Variants in CTNND2 observed in about 807,000 individuals in gnomAD.
CTNND2 encodes catenin delta 2.
In CTNND2, 22 loss-of-function variants were observed where a neutral mutation model predicts 144.4. The observed-to-expected ratio is 0.15, with a 90% CI of 0.11 to 0.22. The LOEUF is 0.22. Ranked by LOEUF, CTNND2 falls within the 10% of genes least tolerant of loss-of-function variation. CTNND2 has a pLI of 1.00. For synonymous variants in CTNND2, 751 were observed against 695.6 expected (o/e 1.08, Z -1.25); for missense variants, 1,353 against 1,618.8 (o/e 0.84, Z 2.82).
At chr5:11,077,733 G>A (rs1749098939) in intron 16 of CTNND2, among the ~76,000 whole-genome samples, 2 of 152,154 alleles carry the variant, frequency 1.3e-5, no homozygotes, top group Admixed American at 1.3e-4. Context: ...TAGGTAAGGG[G>A]GTGCTCAGGA....
intron 3 of CTNND2, among the ~76,000 whole-genome samples, chr5:11,516,557 T>C (rs1241365090): frequency 6.6e-6 from 1 of 151,740 alleles, no homozygotes; most frequent in Non-Finnish European, 1.5e-5. Context: ...AAATAGACAA[T>C]CCAAAAATGA....
chr5:11,180,305 G>A (rs1379010951), intron 11 of CTNND2, among the ~76,000 whole-genome samples: 1 of 152,168 alleles, frequency 6.6e-6, no homozygotes, highest in Non-Finnish European at 1.5e-5. Flanking sequence ...ACTCAGCCAT[G>A]TGGAACTGTG....
At chr5:11,300,833 G>A (rs936494640) in intron 9 of CTNND2, among the ~76,000 whole-genome samples, 4 of 152,070 alleles carry the variant, frequency 2.6e-5, no homozygotes, top group Non-Finnish European at 4.4e-5. Flanking sequence ...CAAGGGTGCC[G>A]CCTTTTGGAA....
At chr5:11,643,467 T>C (rs1253336391) in intron 2 of CTNND2, among the ~76,000 whole-genome samples, 7 of 146,838 alleles carry the variant, frequency 4.8e-5, no homozygotes, top group African/African-American at 1.8e-4. Context: ...TTCCCACCTA[T>C]GAGTGAGAAC....
At chr5:11,114,406 A>G (rs1753340133) in intron 13 of CTNND2, among the ~76,000 whole-genome samples, 1 of 152,184 alleles carries the variant, frequency 6.6e-6, no homozygotes, top group African/African-American at 2.4e-5. Flanking sequence ...TGGGGGAAAG[A>G]AGATCACAGG....
At chr5:11,667,565 T>C (rs1783640618) in intron 2 of CTNND2, among the ~76,000 whole-genome samples, 1 of 152,244 alleles carries the variant, frequency 6.6e-6, no homozygotes, top group African/African-American at 2.4e-5. Flanking sequence ...AAAAATCTTC[T>C]TTTGAAAAGT....
At chr5:11,102,783 T>C (rs1198528834) in intron 14 of CTNND2, among the ~76,000 whole-genome samples, 1 of 152,066 alleles carries the variant, frequency 6.6e-6, no homozygotes, top group African/African-American at 2.4e-5. Context: ...CTTTTTGATA[T>C]GGTCACCATC....
At chr5:11,111,373 G>A (rs568367696) in intron 13 of CTNND2, among the ~76,000 whole-genome samples, 4 of 152,238 alleles carry the variant, frequency 2.6e-5, no homozygotes, top group Admixed American at 1.3e-4. Flanking sequence ...AACAGACAGC[G>A]CCCCACCTCT....
At chr5:11,156,231 A>G (rs1758209251) in intron 12 of CTNND2, among the ~76,000 whole-genome samples, 1 of 152,206 alleles carries the variant, frequency 6.6e-6, no homozygotes, top group Non-Finnish European at 1.5e-5. Flanking sequence ...AAGCTTTTGG[A>G]CATTTAAGAG....
At chr5:11,185,290 C>A (rs905504805) in intron 11 of CTNND2, among the ~76,000 whole-genome samples, 4 of 152,232 alleles carry the variant, frequency 2.6e-5, no homozygotes, top group African/African-American at 9.6e-5. Flanking sequence ...CTATCTCCCT[C>A]TCCCTAACTC....
intron 9 of CTNND2, among the ~76,000 whole-genome samples, chr5:11,242,804 C>T (rs951456399): frequency 1.3e-5 from 2 of 152,214 alleles, no homozygotes; most frequent in Non-Finnish European, 2.9e-5. Flanking sequence ...AGAATTTGAA[C>T]ATCTGGCTCT....
At chr5:11,448,335 A>G (rs1000002417) in intron 3 of CTNND2, among the ~76,000 whole-genome samples, 1 of 152,230 alleles carries the variant, frequency 6.6e-6, no homozygotes, top group Non-Finnish European at 1.5e-5. Flanking sequence ...AGTTTAAATT[A>G]CTTTAAAAAA....
intron 3 of CTNND2, among the ~76,000 whole-genome samples, chr5:11,547,526 C>G (rs1775355165): frequency 1.3e-5 from 2 of 151,870 alleles, no homozygotes; most frequent in African/African-American, 4.8e-5. Context: ...ATACAACTAA[C>G]AGATTAGTAT....
At chr5:11,571,971 T>C (rs1777593431) in intron 2 of CTNND2, among the ~76,000 whole-genome samples, 1 of 152,162 alleles carries the variant, frequency 6.6e-6, no homozygotes. Flanking sequence ...TGAAATATGG[T>C]TCTTTATTTA....
intron 3 of CTNND2, among the ~76,000 whole-genome samples, chr5:11,502,697 C>T (rs1286994464): frequency 2.0e-5 from 3 of 152,096 alleles, no homozygotes; most frequent in Admixed American, 6.6e-5. Flanking sequence ...GACTATCATC[C>T]TCATAGGGTT....
chr5:11,610,318 T>C (rs1467718368), intron 2 of CTNND2, among the ~76,000 whole-genome samples: 2 of 152,178 alleles, frequency 1.3e-5, no homozygotes, highest in Non-Finnish European at 2.9e-5. Context: ...ACACTGTAGC[T>C]TGAAATACCC....
rs1735980335 is a variant in CTNND2, at chr5:10,972,884, G to A, written c.*569C>T. 2 of 152,364 alleles carry A rather than the reference G, an allele frequency of 1.3e-5. No individual in the cohort carries two copies. The highest frequency in any genetic ancestry group is 2.1e-4 in the South Asian group (1 of 4,824). The allele number at this position is 152,364 out of a possible 1,614,324, so 9.4% of individuals were successfully genotyped here. A position where few individuals can be genotyped will look rare whatever the true frequency, so the allele number is the denominator to read the frequency against. On this transcript the variant is annotated 3_prime_UTR_variant, in exon 22 of 22. Transcript: ENST00000304623. ...AAGCAATATTTAGAACCATAGATGA[G>A]GAAACACGGCGGCATTGGTGTAATA...
Position 11,353,625 on chromosome 5 carries a change from A to G in CTNND2, c.1373-6998T>C, listed in dbSNP as rs577241145. Among the ~76,000 whole-genome samples, 5 of 152,170 alleles carry G rather than the reference A, an allele frequency of 3.3e-5. No individual in the cohort carries two copies. The South Asian group carries it at 1.0e-3, about 32-fold the overall frequency. On this transcript the variant is annotated intron_variant, in intron 8 of 21. Transcript: ENST00000304623. ...CGAGACCAGCCTGGGCAACATGGAG[A>G]AACCCCGTCTCTACTAAAAATACAA...
chr5:11,892,580 A>T (rs1480754601), intron 1 of CTNND2, among the ~76,000 whole-genome samples: 1 of 152,170 alleles, frequency 6.6e-6, no homozygotes, highest in Non-Finnish European at 1.5e-5. Context: ...GAATAAAAAG[A>T]AAAAGGAAAG....
Sources: allele counts gnomAD v4.1 joint callset (sites outside exome capture counted in the v4.1 genomes callset), GRCh38; gene constraint gnomAD v4.1.1; transcripts MANE v1.5; gene names NCBI Gene and HGNC (gene_info 2026-07-23, HGNC 2026-07-21).